The following MXRA5 variants were observed in gnomAD, a reference collection of about 807,000 sequenced individuals.
MXRA5 encodes matrix remodeling associated 5.
A neutral mutation model predicts 112.5 loss-of-function variants in MXRA5; 41 were observed. The observed-to-expected ratio is 0.36, with a 90% confidence interval of 0.28 to 0.47. The LOEUF (loss-of-function observed/expected upper bound fraction) is 0.47, where lower values mean the gene tolerates loss of function less well. Among genes scored for constraint, MXRA5 ranks in the 20% least tolerant of loss-of-function variants. MXRA5 has a pLI of 0.99. For synonymous variants in MXRA5, 862 were observed against 900.8 expected, an observed-to-expected ratio of 0.96 and a Z score of 0.77; for missense variants, 2,150 against 2,251.0, an observed-to-expected ratio of 0.96 and a Z score of 0.91.
At position 3,323,347 on chromosome X, in the gene MXRA5, G is replaced by A. The variant is rs767701789; in HGVS notation, c.2338C>T (p.Pro780Ser). ...GCTAAAATATCAGCCCAGCGCTCCG[G>A]ATTAATCTGTTTGTTTGCCATGTTT... is the stretch of plus-strand genomic sequence containing the variant. The part of the protein sequence containing the change: ...RINMANKQIN[P>S]ERWADILAKV... Residue 780 changes from proline to serine, a missense_variant, in exon 5 of 7, where the codon CCG (proline) becomes TCG (serine). By Grantham distance (74) the Pro-to-Ser change is moderately conservative. Coordinates refer to ENST00000217939, the MANE Select transcript of MXRA5 (RefSeq NM_015419.4). The A allele has an allele frequency of 1.7e-6, 2 of 1,209,788 alleles. No individual in the cohort carries two copies. The highest frequency in any genetic ancestry group is 1.7e-5 in the African/African-American group (1 of 57,143).
rs1431082380 is a variant in MXRA5, at chrX:3,316,999, G to A, written c.6578+104C>T. ...CTAATTAATTTCATTTAATTTTATC[G>A]GACGCAGGGAGCAACGTGTGTGCAT... On this transcript the variant is annotated intron_variant, in intron 6 of 6. Transcript: ENST00000217939. 6.8e-6 allele frequency: 6 copies of A among 876,852 alleles called. No individual in the cohort carries two copies. In the East Asian group the frequency reaches 1.4e-4, roughly 21 times the overall value. The allele number at this position is 876,852 out of a possible 1,213,427, so 72.3% of individuals were successfully genotyped here. A position where few individuals can be genotyped will look rare whatever the true frequency, so the allele number is the denominator to read the frequency against.
At chrX:3,318,061 A>G in intron 5 of MXRA5, 58 bp from the exon 6 acceptor site, 1 of 970,676 alleles carries the variant, frequency 1.0e-6, no homozygotes, top group Middle Eastern at 3.4e-4. Flanking sequence ...GATAATGCTC[A>G]AACGAGCAGT....
chrX:3,311,774 C>T (rs1431287682), intron 6 of MXRA5, 150 bp from the exon 7 acceptor site: 1 of 483,783 alleles, frequency 2.1e-6, no homozygotes, highest in Non-Finnish European at 3.4e-6. Context: ...TTTTTACAGC[C>T]TGGAGAAGGT....
chrX:3,321,054 A>G lies in MXRA5; in HGVS notation c.4631T>C (p.Val1544Ala). 8.3e-7 allele frequency: 1 copy of G among 1,211,740 alleles called. No individual in the cohort carries two copies. Among genetic ancestry groups the G allele is most frequent in the South Asian group, 1.8e-5 (1 of 56,968 alleles). The change falls in exon 5 of 7, where the codon GTG (valine) becomes GCG (alanine). Residue 1544 changes from valine to alanine, a missense_variant. Physicochemically the swap from Val to Ala is moderately conservative, Grantham distance 64. Coordinates refer to ENST00000217939, the MANE Select transcript of MXRA5 (RefSeq NM_015419.4). ...VGNPETEATPVNNEGTQHMSG... is the reference protein window; with the variant it reads ...VGNPETEATPANNEGTQHMSG... ...CATATGCTGTGTTCCTTCATTGTTC[A>G]CTGGGGTTGCTTCTGTTTCTGGATT...
rs1042296176 is a variant in MXRA5, at chrX:3,309,418, C to T, written c.*298G>A. Reference sequence around the variant, plus strand: ...TCCTATGGACGCTTATGAAGGCAGTCGAGTGGCATTTGCAAAAAAAGAAAA... The same window carrying T: ...TCCTATGGACGCTTATGAAGGCAGTTGAGTGGCATTTGCAAAAAAAGAAAA... On this transcript the variant is annotated 3_prime_UTR_variant, in exon 7 of 7. Transcript: ENST00000217939. 16 of 317,360 alleles carry T rather than the reference C, an allele frequency of 5.0e-5. No homozygotes were observed. The East Asian group carries it at 6.2e-4, about 12-fold the overall frequency. The allele number at this position is 317,360 out of a possible 1,213,427, so 26.2% of individuals were successfully genotyped here. A position where few individuals can be genotyped will look rare whatever the true frequency, so the allele number is the denominator to read the frequency against.
At position 3,322,876 on chromosome X, in the gene MXRA5, C is replaced by T. The variant is rs1282130564; in HGVS notation, c.2809G>A (p.Glu937Lys). ...LDTVYEKPTHEETATEGWSAA... is the reference protein window; with the variant it reads ...LDTVYEKPTHKETATEGWSAA... ...GACCAACCCTCTGTTGCCGTCTCTTCATGGGTGGGCTTTTCATAGACTGTG... is the reference window on the plus strand; with the variant it reads ...GACCAACCCTCTGTTGCCGTCTCTTTATGGGTGGGCTTTTCATAGACTGTG... Residue 937 changes from glutamate to lysine, a missense_variant, in exon 5 of 7, where the codon GAA becomes AAA. By Grantham distance (56) the Glu-to-Lys change is moderately conservative. Transcript: ENST00000217939. The T allele has an allele frequency of 8.3e-7, 1 of 1,209,497 alleles. No individual in the cohort carries two copies.
chrX:3,339,196 C>T (rs761329198), intron 2 of MXRA5, among the ~76,000 whole-genome samples: 63 of 111,152 alleles, frequency 5.7e-4, no homozygotes, highest in African/African-American at 1.8e-3. Context: ...GGACGGGCTC[C>T]ACATCAGCTC....
chrX:3,326,746 T>C (rs1921521561), intron 4 of MXRA5, among the ~76,000 whole-genome samples: 1 of 110,301 alleles, frequency 9.1e-6, no homozygotes, highest in South Asian at 3.9e-4. Flanking sequence ...CCTCCTCCTC[T>C]GCCTGAATCT....
intron 5 of MXRA5, among the ~76,000 whole-genome samples, chrX:3,318,370 C>T (rs1921209440): frequency 9.0e-6 from 1 of 111,252 alleles, no homozygotes; most frequent in South Asian, 3.8e-4. Context: ...TGGTCTTGAA[C>T]TCCTGACCTC....
intron 4 of MXRA5, 28 bp from the exon 5 acceptor site, chrX:3,325,003 G>C: frequency 8.8e-7 from 1 of 1,138,899 alleles, no homozygotes; most frequent in Non-Finnish European, 1.2e-6. Context: ...ATAGACAATA[G>C]GGTAAGGAGC....
intron 4 of MXRA5, among the ~76,000 whole-genome samples, chrX:3,326,267 CTATATT>C (rs1390101522): frequency 7.0e-4 from 2 of 2,838 alleles, no homozygotes; most frequent in Admixed American, 3.9e-3. Flanking sequence ...GTAACTATAT[CTATATT>C]TATAACTCTC....
At position 3,310,144 on chromosome X, in the gene MXRA5, G is replaced by C. The variant is rs781442299; in HGVS notation, c.8059C>G (p.Arg2687Gly). The change falls in exon 7 of 7, where the codon CGC becomes GGC. Residue 2687 changes from arginine (R) to glycine (G), a missense_variant. Arg to Gly is a moderately radical substitution (Grantham distance 125). Around this residue, in one of 6 missense-constraint regions of MXRA5, gnomAD observed 178 missense variants for 198.2 expected, o/e 0.90. Transcript: ENST00000217939. ...MHLEGPQTLG[R>G]VSLLDNGTLT... ...GTGCCATTGTCCAGAAGAGAAACGC[G>C]TCCCAGGGTTTGGGGGCCCTCCAGA... is the stretch of plus-strand genomic sequence containing the variant. 2 of 1,211,679 alleles carry C rather than the reference G, an allele frequency of 1.7e-6. No homozygotes were observed. The highest frequency in any genetic ancestry group is 4.3e-5 in the Admixed American group (2 of 46,086).
At chrX:3,314,881 CAGAT>C (rs77892728) in intron 6 of MXRA5, among the ~76,000 whole-genome samples, 3,610 of 102,583 alleles carry the variant, frequency 0.035, 85 homozygotes, top group African/African-American at 0.064. Flanking sequence ...GGTAGGTAGG[CAGAT>C]AGATAGATAG....
In MXRA5 at chrX:3,343,746, G is replaced by C. The variant is rs1189032694; in HGVS notation, c.88C>G (p.Pro30Ala). ...TCGCTGGGGACGTAGCAGGCACAAGGATGCGGGCAGGCCAGCGCCACTCGC... is the reference window on the plus strand; with the variant it reads ...TCGCTGGGGACGTAGCAGGCACAAGCATGCGGGCAGGCCAGCGCCACTCGC... Reference protein sequence around the residue: ...HPRVALACPHPCACYVPSEVH... With the variant: ...HPRVALACPHACACYVPSEVH... The change falls in exon 2 of 7, where the codon CCT becomes GCT. Residue 30 changes from proline (P) to alanine (A), a missense_variant. Coordinates refer to ENST00000217939, the MANE Select transcript of MXRA5 (RefSeq NM_015419.4). 5 of 1,209,790 alleles carry C rather than the reference G, an allele frequency of 4.1e-6. No homozygotes were observed. Among genetic ancestry groups the C allele is most frequent in the African/African-American group, 1.7e-5 (1 of 57,234 alleles).
chrX:3,310,070 G>A lies in MXRA5; in HGVS notation c.8133C>T (p.Cys2711=). 8.3e-7 allele frequency: 1 copy of A among 1,211,451 alleles called. No homozygotes were observed. Among genetic ancestry groups the A allele is most frequent in the Admixed American group, 2.2e-5 (1 of 46,059 alleles). ...ASVFDRGTYV[C]RMETEYGPSV... ...AAGGGCCGTACTCCGTCTCCATCCTGCATACATAGGTACCCCTGTCAAACA... is the reference window on the plus strand; with the variant it reads ...AAGGGCCGTACTCCGTCTCCATCCTACATACATAGGTACCCCTGTCAAACA... Residue 2711 remains cysteine (C), a synonymous_variant, in exon 7 of 7, where the codon TGC becomes TGT. Transcript: ENST00000217939.
At position 3,310,501 on chromosome X, in the gene MXRA5, C is replaced by G; in HGVS notation, c.7702G>C (p.Gly2568Arg). The change falls in exon 7 of 7, where the codon GGG becomes CGG. Residue 2568 changes from glycine to arginine, a missense_variant. By Grantham distance (125) the Gly-to-Arg change is moderately radical (BLOSUM62 -2). Coordinates refer to ENST00000217939, the MANE Select transcript of MXRA5 (RefSeq NM_015419.4). ...HTISLNCSAA[G>R]TPTPSLVWVL... The stretch of plus-strand genomic sequence containing the variant: ...CACACCAGGCTGGGTGTCGGGGTCC[C>G]CGCGGCAGAGCAGTTGAGGCTGATG... 1.7e-6 allele frequency: 2 copies of G among 1,203,087 alleles called. No homozygotes were observed. Among genetic ancestry groups the G allele is most frequent in the South Asian group, 3.6e-5 (2 of 55,739 alleles).
chrX:3,317,950 C>G lies in MXRA5; in HGVS notation c.5731G>C (p.Gly1911Arg), dbSNP rs759496494. The G allele has an allele frequency of 1.7e-6, 2 of 1,209,143 alleles. No individual in the cohort carries two copies. The highest frequency in any genetic ancestry group is 2.3e-4 in the Middle Eastern group (1 of 4,344). ...TGAACCTTCCGTATCACTAAGGTAC[C>G]GTTCTTGAGAACCTCAAACCGTTGT... The part of the protein sequence containing the change: ...RIQRFEVLKN[G>R]TLVIRKVQVQ... The change falls in exon 6 of 7, where the codon GGT (glycine) becomes CGT (arginine). Residue 1911 changes from glycine to arginine, a missense_variant. Transcript: ENST00000217939.
Position 3,323,050 on chromosome X carries a change from C to T in MXRA5, c.2635G>A (p.Val879Ile), listed in dbSNP as rs776800111. 2 of 1,209,852 alleles carry T rather than the reference C, an allele frequency of 1.7e-6. No individual in the cohort carries two copies. Among genetic ancestry groups the T allele is most frequent in the Non-Finnish European group, 2.2e-6 (2 of 895,249 alleles). ...HNGVILVEPE[V>I]TSTPLEEVVD... ...ACTTCCTCCAGAGGTGTGCTTGTTA[C>T]TTCAGGTTCAACAAGAATAACTCCA... The change falls in exon 5 of 7, where the codon GTA (valine) becomes ATA (isoleucine). Residue 879 changes from valine (V) to isoleucine (I), a missense_variant. By Grantham distance (29) the Val-to-Ile change is conservative. This residue lies in a region of MXRA5 where 1,485 missense variants were observed against 1,471.6 expected (regional missense o/e 1.01). Coordinates refer to ENST00000217939, the MANE Select transcript of MXRA5 (RefSeq NM_015419.4).
intron 1 of MXRA5, among the ~76,000 whole-genome samples, chrX:3,345,795 G>C (rs766237554): frequency 3.2e-4 from 36 of 113,149 alleles, no homozygotes; most frequent in Non-Finnish European, 6.0e-4. Context: ...CCGGCTTCCA[G>C]AGTCCGCTGG....
Sources: gnomAD v4.1 joint callset for allele counts (sites outside exome capture counted in the v4.1 genomes callset) on GRCh38, gnomAD v4.1.1 for gene constraint, gnomAD v4.1.1 regional missense constraint, MANE v1.5 for transcripts, NCBI Gene and HGNC (gene_info 2026-07-23, HGNC 2026-07-21) for gene names.